OPCML: variants seen among roughly 807,000 people sequenced by gnomAD.
OPCML encodes the protein opioid-binding protein/cell adhesion molecule.
Under a neutral mutation model 37.8 loss-of-function variants are expected in OPCML, and 13 were observed. That is an observed-to-expected ratio of 0.34 (90% CI 0.22 to 0.55). The LOEUF (loss-of-function observed/expected upper bound fraction) is 0.55, where lower values mean the gene tolerates loss of function less well. Among genes scored for constraint, OPCML ranks in the 20% least tolerant of loss-of-function variants. The pLI is 0.91. For missense variants in OPCML, 341 were observed against 435.6 expected (o/e 0.78, Z 1.93); for synonymous variants, 176 against 168.8 (o/e 1.04, Z -0.33).
chr11:133,117,757 T>C, intron 1 of OPCML: 1 of 973,142 alleles, frequency 1.0e-6, no homozygotes, highest in South Asian at 4.8e-5. Flanking sequence ...TAATGTACAA[T>C]TGCAATGGAA....
chr11:132,664,391 C>T (rs764741061), intron 2 of OPCML, among the ~76,000 whole-genome samples: 3 of 151,994 alleles, frequency 2.0e-5, no homozygotes, highest in African/African-American at 7.2e-5. Context: ...TTTTAAAGCC[C>T]GAAATGCATT....
chr11:133,083,101 G>A (rs1386650353), intron 1 of OPCML, among the ~76,000 whole-genome samples: 1 of 151,992 alleles, frequency 6.6e-6, no homozygotes, highest in Non-Finnish European at 1.5e-5. Flanking sequence ...GACGGCACCC[G>A]TGTGCGCACC....
chr11:132,665,440 C>T (rs762743795), intron 2 of OPCML, among the ~76,000 whole-genome samples: 6 of 152,092 alleles, frequency 3.9e-5, no homozygotes, highest in Non-Finnish European at 5.9e-5. Flanking sequence ...ACTGTGCTGA[C>T]GGCAGCTCAG....
intron 2 of OPCML, among the ~76,000 whole-genome samples, chr11:132,880,550 G>C (rs1016109262): frequency 1.3e-5 from 2 of 152,180 alleles, no homozygotes; most frequent in South Asian, 4.1e-4. Flanking sequence ...AGTGGCTTGC[G>C]GATTCTCATG....
intron 1 of OPCML, among the ~76,000 whole-genome samples, chr11:133,451,345 G>C (rs1033350477): frequency 7.9e-5 from 12 of 151,764 alleles, no homozygotes; most frequent in African/African-American, 2.9e-4. Context: ...TGCTGGGTAA[G>C]TTTTCAATAT....
chr11:132,987,630 A>AG (rs1172040334), intron 1 of OPCML, among the ~76,000 whole-genome samples: 1 of 152,192 alleles, frequency 6.6e-6, no homozygotes, highest in South Asian at 2.1e-4. Context: ...AATGTATTTT[A>AG]GGGGGCAAGA....
At chr11:133,444,281 G>GA (rs958447150) in intron 1 of OPCML, among the ~76,000 whole-genome samples, 2 of 151,906 alleles carry the variant, frequency 1.3e-5, no homozygotes, top group Non-Finnish European at 2.9e-5. Flanking sequence ...TGGTGACATA[G>GA]AAAAAAAGAG....
In OPCML at chr11:133,183,413, A is replaced by G. The variant is rs189621404; in HGVS notation, c.62-240403T>C. On this transcript the variant is annotated intron_variant, in intron 1 of 7. Transcript: ENST00000524381. ...GTTCCTAAACCTGTAGGATTTCCTG[A>G]AGAAGAAAACATTCCTGATGGTGGC... Among the ~76,000 whole-genome samples, 604 of 152,296 alleles carry G rather than the reference A, an allele frequency of 4.0e-3. 4 individuals are homozygous for G. The highest frequency in any genetic ancestry group is 0.013 in the African/African-American group (554 of 41,568).
At chr11:133,236,867 G>C (rs1166176513) in intron 1 of OPCML, among the ~76,000 whole-genome samples, 1 of 148,996 alleles carries the variant, frequency 6.7e-6, no homozygotes, top group Admixed American at 6.9e-5. Context: ...TCCCATTCCA[G>C]CTAGTGGAAA....
Position 132,618,813 on chromosome 11 carries a change from A to C in OPCML, c.379+38274T>G, listed in dbSNP as rs1167848938. Among the ~76,000 whole-genome samples the C allele has an allele frequency of 2.6e-5, 4 of 152,196 alleles. No homozygotes were observed. The East Asian group carries it at 5.8e-4, about 22-fold the overall frequency. ...CCATCATTCCAACCTCATTTAATGCACTTCTTAAACAATAAGTTTCCATTC... is the reference window on the plus strand; with the variant it reads ...CCATCATTCCAACCTCATTTAATGCCCTTCTTAAACAATAAGTTTCCATTC... On this transcript the variant is annotated intron_variant, in intron 3 of 7. Transcript: ENST00000524381.
intron 2 of OPCML, among the ~76,000 whole-genome samples, chr11:132,861,440 T>G (rs1244704131): frequency 2.0e-5 from 3 of 152,252 alleles, no homozygotes; most frequent in Non-Finnish European, 2.9e-5. Flanking sequence ...TACATATGTA[T>G]ATGCTTATAA....
chr11:133,315,064 G>A (rs1943172356), intron 1 of OPCML, among the ~76,000 whole-genome samples: 1 of 152,014 alleles, frequency 6.6e-6, no homozygotes, highest in East Asian at 1.9e-4. Flanking sequence ...ACTAAATAAG[G>A]TAAAATGAGG....
At chr11:132,698,728 T>C (rs1054978759) in intron 2 of OPCML, among the ~76,000 whole-genome samples, 1 of 152,136 alleles carries the variant, frequency 6.6e-6, no homozygotes, top group Non-Finnish European at 1.5e-5. Context: ...AAGAATCTTT[T>C]TGATGGTTTT....
At position 133,118,220 on chromosome 11, in the gene OPCML, A is replaced by T. The variant is rs926435450; in HGVS notation, c.62-175210T>A. On this transcript the variant is annotated intron_variant, in intron 1 of 7. Transcript: ENST00000524381. ...TGTAGGAGGCCCTGTTCTTTCTGGG[A>T]CTCTCTACTGACATAGCTGGGATAT... is the stretch of plus-strand genomic sequence containing the variant. 1.2e-5 allele frequency: 12 copies of T among 984,478 alleles called. No individual in the cohort carries two copies. In the South Asian group the frequency reaches 5.2e-4, roughly 42 times the overall value. 61.0% of individuals were successfully genotyped at this position (984,478 alleles called of 1,614,324 possible).
intron 1 of OPCML, among the ~76,000 whole-genome samples, chr11:133,409,647 G>A (rs1945602232): frequency 6.6e-6 from 1 of 152,060 alleles, no homozygotes; most frequent in Non-Finnish European, 1.5e-5. Flanking sequence ...CTGAGATTTG[G>A]ACCAAAGTCT....
chr11:132,650,973 G>C (rs1206838586), intron 3 of OPCML, among the ~76,000 whole-genome samples: 1 of 152,054 alleles, frequency 6.6e-6, no homozygotes, highest in Non-Finnish European at 1.5e-5. Flanking sequence ...TAAAAAAAGA[G>C]ATTGCTTACA....
At chr11:132,620,766 G>T (rs1939352833) in intron 3 of OPCML, among the ~76,000 whole-genome samples, 1 of 152,186 alleles carries the variant, frequency 6.6e-6, no homozygotes, top group Non-Finnish European at 1.5e-5. Flanking sequence ...TCTTCCTTTG[G>T]TGTAAGTTTG....
chr11:133,035,383 T>C (rs1036255215), intron 1 of OPCML, among the ~76,000 whole-genome samples: 10 of 152,126 alleles, frequency 6.6e-5, no homozygotes, highest in Non-Finnish European at 1.5e-4. Flanking sequence ...AAAGAGAAAA[T>C]GGGACCTACA....
chr11:133,518,030 A>G (rs1948319462), intron 1 of OPCML, among the ~76,000 whole-genome samples: 1 of 152,156 alleles, frequency 6.6e-6, no homozygotes, highest in Non-Finnish European at 1.5e-5. Flanking sequence ...TCTGCCTCTC[A>G]TATTACAGAG....
Sources: gnomAD v4.1 joint callset for allele counts (sites outside exome capture counted in the v4.1 genomes callset) on GRCh38, gnomAD v4.1.1 for gene constraint, MANE v1.5 for transcripts, NCBI Gene and HGNC (gene_info 2026-07-23, HGNC 2026-07-21) for gene names.